Variants in FHIT observed in about 807,000 individuals in gnomAD.
FHIT encodes fragile histidine triad diadenosine triphosphatase, also known as bis(5'-adenosyl)-triphosphatase.
In FHIT, 19 loss-of-function variants were observed where a neutral mutation model predicts 17.9. That is an observed-to-expected ratio of 1.06 (90% CI 0.74 to 1.56). The LOEUF (loss-of-function observed/expected upper bound fraction) is 1.56, where lower values mean the gene tolerates loss of function less well. Among genes scored for constraint, FHIT ranks in the 40% most tolerant of loss-of-function variants. The pLI is 0.00. For synonymous variants in FHIT, 81 were observed against 69.7 expected (o/e 1.16, Z -0.81); for missense variants, 248 against 189.2 (o/e 1.31, Z -1.82).
intron 8 of FHIT, among the ~76,000 whole-genome samples, chr3:59,822,217 G>A (rs1421581860): frequency 1.3e-5 from 2 of 152,152 alleles, no homozygotes; most frequent in Non-Finnish European, 2.9e-5. Flanking sequence ...CATTTGGGCT[G>A]TCCATATTTT....
At chr3:60,645,895 G>C (rs2039845266) in intron 4 of FHIT, among the ~76,000 whole-genome samples, 1 of 152,132 alleles carries the variant, frequency 6.6e-6, no homozygotes, top group Admixed American at 6.6e-5. Context: ...CTTACCTTGA[G>C]AATTTTTCAA....
intron 5 of FHIT, among the ~76,000 whole-genome samples, chr3:60,527,649 A>C (rs889741422): frequency 5.6e-4 from 85 of 152,308 alleles, no homozygotes; most frequent in African/African-American, 2.0e-3. Flanking sequence ...CTTAAATGAT[A>C]ATGAAGCTTA....
intron 4 of FHIT, among the ~76,000 whole-genome samples, chr3:60,710,662 A>T (rs1024308842): frequency 1.3e-5 from 2 of 152,150 alleles, no homozygotes; most frequent in Admixed American, 6.5e-5. Flanking sequence ...ACGGAGTCTC[A>T]CTGATTGCTA....
intron 4 of FHIT, among the ~76,000 whole-genome samples, chr3:60,798,167 T>C (rs778828301): frequency 6.6e-6 from 1 of 152,142 alleles, no homozygotes; most frequent in South Asian, 2.1e-4. Flanking sequence ...GAGTTGGCCC[T>C]GGGGCCTTAG....
intron 2 of FHIT, among the ~76,000 whole-genome samples, chr3:61,044,525 AT>A (rs1416240984): frequency 1.1e-4 from 16 of 152,094 alleles, no homozygotes; most frequent in African/African-American, 3.6e-4. Flanking sequence ...CCTGAAAGTG[AT>A]GAGGAGAATG....
intron 8 of FHIT, among the ~76,000 whole-genome samples, chr3:59,752,871 T>G (rs1420703738): frequency 1.3e-5 from 2 of 152,094 alleles, no homozygotes; most frequent in African/African-American, 4.8e-5. Context: ...AAACTGCTGT[T>G]CCTTATAAAT....
intron 4 of FHIT, among the ~76,000 whole-genome samples, chr3:60,750,167 G>A (rs34108453): frequency 0.037 from 5,666 of 152,234 alleles, 176 homozygotes; most frequent in Non-Finnish European, 0.061. Flanking sequence ...GTTTTCAGGA[G>A]TGCATAGGAT....
At chr3:61,013,292 G>C (rs1307121854) in intron 3 of FHIT, among the ~76,000 whole-genome samples, 2 of 152,120 alleles carry the variant, frequency 1.3e-5, no homozygotes, top group Admixed American at 6.6e-5. Context: ...TCTCCCCTTA[G>C]AAATTGGATT....
At chr3:61,126,869 C>G (rs771487214) in intron 2 of FHIT, among the ~76,000 whole-genome samples, 3 of 152,016 alleles carry the variant, frequency 2.0e-5, no homozygotes, top group Non-Finnish European at 4.4e-5. Flanking sequence ...AGAGCAAGCC[C>G]TACTGTACAA....
intron 5 of FHIT, among the ~76,000 whole-genome samples, chr3:60,022,212 A>G (rs1021580733): frequency 1.3e-5 from 2 of 152,222 alleles, no homozygotes; most frequent in Non-Finnish European, 2.9e-5. Flanking sequence ...AGTTGAGTAC[A>G]TGTCCTATTA....
At chr3:60,178,937 T>C (rs963064759) in intron 5 of FHIT, among the ~76,000 whole-genome samples, 11 of 152,282 alleles carry the variant, frequency 7.2e-5, no homozygotes, top group African/African-American at 2.4e-4. Context: ...TTGTTCTTTA[T>C]ATAAAATACG....
chr3:60,521,679 T>C (rs1246606791), intron 5 of FHIT, among the ~76,000 whole-genome samples: 2 of 152,200 alleles, frequency 1.3e-5, no homozygotes, highest in African/African-American at 4.8e-5. Context: ...TAGCAGAAAA[T>C]ACCTTTATCT....
chr3:60,339,110 T>C (rs1231991372), intron 5 of FHIT, among the ~76,000 whole-genome samples: 2 of 152,212 alleles, frequency 1.3e-5, no homozygotes, highest in East Asian at 1.9e-4. Flanking sequence ...CTATAATATA[T>C]GCAATATGTA....
chr3:59,917,385 G>T (rs758484269), intron 8 of FHIT, among the ~76,000 whole-genome samples: 1 of 152,194 alleles, frequency 6.6e-6, no homozygotes, highest in Non-Finnish European at 1.5e-5. Context: ...ATGAGAGTTG[G>T]TTATTTGGGA....
At chr3:59,802,394 C>G (rs1411808531) in intron 8 of FHIT, among the ~76,000 whole-genome samples, 1 of 152,184 alleles carries the variant, frequency 6.6e-6, no homozygotes, top group East Asian at 1.9e-4. Context: ...CCCCTGTGAC[C>G]TGCACGTATA....
chr3:60,315,392 A>G (rs1199649631), intron 5 of FHIT, among the ~76,000 whole-genome samples: 1 of 152,150 alleles, frequency 6.6e-6, no homozygotes, highest in Non-Finnish European at 1.5e-5. Context: ...GTCATAAGAC[A>G]TGTTTCCAGA....
chr3:60,130,993 A>ATATGTG (rs1391040777), intron 5 of FHIT, among the ~76,000 whole-genome samples: 2 of 134,418 alleles, frequency 1.5e-5, no homozygotes, highest in Admixed American at 1.7e-4. Flanking sequence ...ACATATATAC[A>ATATGTG]CATATATACA....
Position 60,841,788 on chromosome 3 carries a change from C to T in FHIT, c.-110-19777G>A, listed in dbSNP as rs112968691. On this transcript the variant is annotated intron_variant, in intron 3 of 9. Coordinates refer to ENST00000492590, the MANE Select transcript of FHIT (RefSeq NM_002012.4). ...TAAGTTCTGGTCCTAGGTGAGGAAT[C>T]ATAAAGTTCCTCAATTTAAAAAAAT... 4.6e-4 allele frequency among the ~76,000 whole-genome samples: 70 copies of T among 152,116 alleles called. 1 individual carries two copies. The highest frequency in any genetic ancestry group is 3.4e-3 in the Middle Eastern group (1 of 294).
intron 5 of FHIT, among the ~76,000 whole-genome samples, chr3:60,019,934 G>A (rs773512416): frequency 2.6e-5 from 4 of 152,126 alleles, no homozygotes; most frequent in East Asian, 1.9e-4. Context: ...TAAACTTATG[G>A]CAGAATAATC....
Sources: gnomAD v4.1 joint callset for allele counts (sites outside exome capture counted in the v4.1 genomes callset) on GRCh38, gnomAD v4.1.1 for gene constraint, MANE v1.5 for transcripts, NCBI Gene and HGNC (gene_info 2026-07-23, HGNC 2026-07-21) for gene names.